The following ROR2 variants were observed in gnomAD, a reference collection of about 807,000 sequenced individuals.
The protein encoded by ROR2 is ROR family WNT receptor 2.
In ROR2, 33 loss-of-function variants were observed where a neutral mutation model predicts 74.9. The observed-to-expected ratio is 0.44, with a 90% CI of 0.33 to 0.59. The LOEUF (loss-of-function observed/expected upper bound fraction) is 0.59. ROR2 is among the 20% of genes least tolerant of loss of function. The probability of loss-of-function intolerance (pLI) is 0.02; values close to 1 mark genes in which losing one functional copy is unlikely to be tolerated. For missense variants in ROR2, 1,216 were observed against 1,313.8 expected (o/e 0.93, Z 1.15); for synonymous variants, 586 against 558.7 (o/e 1.05, Z -0.69).
chr9:91,767,170 G>C (rs1341947435), intron 2 of ROR2, among the ~76,000 whole-genome samples: 1 of 151,842 alleles, frequency 6.6e-6, no homozygotes, highest in Non-Finnish European at 1.5e-5. Context: ...CAACTCCCTG[G>C]TTCAAACAAT....
At chr9:91,820,218 A>G (rs1230292133) in intron 1 of ROR2, among the ~76,000 whole-genome samples, 1 of 152,192 alleles carries the variant, frequency 6.6e-6, no homozygotes, top group Non-Finnish European at 1.5e-5. Context: ...TTTTAATTTA[A>G]TAAACAAAAC....
intron 1 of ROR2, among the ~76,000 whole-genome samples, chr9:91,795,581 T>C (rs1044289651): frequency 6.6e-6 from 1 of 152,178 alleles, no homozygotes; most frequent in Non-Finnish European, 1.5e-5. Context: ...CACGCCCCTA[T>C]AAAAAAGAAC....
At position 91,726,759 on chromosome 9, in the gene ROR2, C is replaced by T. The variant is rs779249090; in HGVS notation, c.1184-16G>A. The T allele has an allele frequency of 6.2e-7, 1 of 1,613,134 alleles. No individual in the cohort carries two copies. The highest frequency in any genetic ancestry group is 1.7e-5 in the Admixed American group (1 of 60,022). ...TCTCGGGGACCTGTGAACAATAAGG[C>T]TTTCGTGATTTTTCAGAAAACATCC... On this transcript the variant is annotated splice_polypyrimidine_tract_variant and intron_variant, in intron 7 of 8. Coordinates refer to ENST00000375708, the MANE Select transcript of ROR2 (RefSeq NM_004560.4).
chr9:91,806,845 A>T (rs2494788), intron 1 of ROR2, among the ~76,000 whole-genome samples: 2,845 of 152,162 alleles, frequency 0.019, 44 homozygotes, highest in Non-Finnish European at 0.025. Flanking sequence ...CGCCTCGGCC[A>T]CCCAAAGTGC....
chr9:91,792,347 G>A (rs956583557), intron 1 of ROR2, among the ~76,000 whole-genome samples: 9 of 134,734 alleles, frequency 6.7e-5, no homozygotes, highest in South Asian at 2.4e-4. Flanking sequence ...TCGCTCTGTC[G>A]CCCAGGTTGG....
intron 4 of ROR2, among the ~76,000 whole-genome samples, chr9:91,744,875 G>A (rs996557354): frequency 1.3e-5 from 2 of 152,144 alleles, no homozygotes; most frequent in Non-Finnish European, 1.5e-5. Context: ...TCCCAGGTAA[G>A]CCAAACACTT....
chr9:91,757,378 T>A lies in ROR2; in HGVS notation c.357A>T (p.Arg119=), dbSNP rs1232952190. The change falls in exon 3 of 9, where the codon CGA becomes CGT. Residue 119 remains arginine (R), a synonymous_variant. Transcript: ENST00000375708. The stretch of plus-strand genomic sequence containing the variant: ...TCGTGTCCAGGTCCTGGATTCGCAG[T>A]CGTGAACCATATTCTGTCTTCCGGA... ...IIIRKTEYGS[R]LRIQDLDTTD... 2 of 1,613,910 alleles carry A rather than the reference T, an allele frequency of 1.2e-6. No individual in the cohort carries two copies. Among genetic ancestry groups the A allele is most frequent in the East Asian group, 2.2e-5 (1 of 44,834 alleles).
intron 3 of ROR2, among the ~76,000 whole-genome samples, chr9:91,756,942 G>A (rs1825770925): frequency 1.3e-5 from 2 of 152,062 alleles, no homozygotes; most frequent in Admixed American, 6.5e-5. Context: ...TAGAGATGGA[G>A]TTTCTACTAA....
intron 1 of ROR2, among the ~76,000 whole-genome samples, chr9:91,880,593 G>T (rs1438700541): frequency 6.6e-6 from 1 of 152,218 alleles, no homozygotes; most frequent in East Asian, 1.9e-4. Flanking sequence ...AGGCCTAACA[G>T]ATGCCACCTC....
At chr9:91,875,059 G>GT (rs1303106787) in intron 1 of ROR2, among the ~76,000 whole-genome samples, 3 of 152,112 alleles carry the variant, frequency 2.0e-5, no homozygotes, top group African/African-American at 7.2e-5. Flanking sequence ...GGAACAGAAT[G>GT]TTTAACATAT....
intron 1 of ROR2, among the ~76,000 whole-genome samples, chr9:91,821,400 C>G (rs543236780): frequency 6.6e-6 from 1 of 152,346 alleles, no homozygotes; most frequent in Non-Finnish European, 1.5e-5. Flanking sequence ...AAGCACCTCC[C>G]CTCCACCATG....
chr9:91,918,046 C>T (rs912044062), intron 1 of ROR2, among the ~76,000 whole-genome samples: 15 of 151,916 alleles, frequency 9.9e-5, no homozygotes, highest in African/African-American at 3.1e-4. Flanking sequence ...CCGAGACAGG[C>T]GGATCACGAG....
At chr9:91,749,661 C>T (rs570521090) in intron 4 of ROR2, among the ~76,000 whole-genome samples, 1 of 152,226 alleles carries the variant, frequency 6.6e-6, no homozygotes, top group African/African-American at 2.4e-5. Flanking sequence ...GACAAAACAG[C>T]CTATAAGCAG....
At chr9:91,939,169 G>A (rs1284233788) in intron 1 of ROR2, among the ~76,000 whole-genome samples, 4 of 152,202 alleles carry the variant, frequency 2.6e-5, no homozygotes, top group African/African-American at 9.6e-5. Flanking sequence ...GGAATTGCCT[G>A]AACCCGGAAG....
intron 6 of ROR2, 82 bp from the exon 7 acceptor site, chr9:91,731,237 A>G: frequency 1.3e-6 from 2 of 1,590,118 alleles, no homozygotes; most frequent in Admixed American, 3.3e-5. Flanking sequence ...TAGAATTTCC[A>G]AAAGATCCAA....
chr9:91,815,232 T>C (rs1398652875), intron 1 of ROR2, among the ~76,000 whole-genome samples: 1 of 152,228 alleles, frequency 6.6e-6, no homozygotes. Flanking sequence ...TAATAAATGA[T>C]ATGCATTACA....
At chr9:91,948,823 G>A (rs563887478) in intron 1 of ROR2, 2 of 985,414 alleles carry the variant, frequency 2.0e-6, no homozygotes, top group South Asian at 9.4e-5. Flanking sequence ...GGCGCTCCTG[G>A]GCCTGAAGGC....
chr9:91,885,271 G>C (rs1830238409), intron 1 of ROR2, among the ~76,000 whole-genome samples: 1 of 151,184 alleles, frequency 6.6e-6, no homozygotes, highest in Non-Finnish European at 1.5e-5. Flanking sequence ...AAGGGCACCG[G>C]AAAACTTTAA....
chr9:91,771,957 T>C (rs543473149), intron 2 of ROR2, among the ~76,000 whole-genome samples: 2 of 152,352 alleles, frequency 1.3e-5, no homozygotes, highest in Admixed American at 6.5e-5. Flanking sequence ...ATAGCTAATA[T>C]AGTACATTCA....
Sources: gnomAD v4.1 joint callset for allele counts (sites outside exome capture counted in the v4.1 genomes callset) on GRCh38, gnomAD v4.1.1 for gene constraint, MANE v1.5 for transcripts, NCBI Gene and HGNC (gene_info 2026-07-23, HGNC 2026-07-21) for gene names.